Variants in TGDS observed in about 807,000 individuals in gnomAD.
TGDS encodes the protein UDP-D-glucose 4,6-dehydratase.
TGDS carries 47 observed loss-of-function variants against 52.3 expected under a neutral mutation model. That is an observed-to-expected ratio of 0.90 (90% confidence interval 0.71 to 1.15). The LOEUF (loss-of-function observed/expected upper bound fraction) is 1.15, where lower values mean the gene tolerates loss of function less well. Ranked by LOEUF, TGDS falls within the 50% of genes most tolerant of loss-of-function variation. The pLI, the probability that TGDS is intolerant of heterozygous loss-of-function variation, is 0.00. For missense variants in TGDS, 375 were observed against 418.4 expected, an observed-to-expected ratio of 0.90 and a Z score of 0.90; for synonymous variants, 115 against 136.9, an observed-to-expected ratio of 0.84 and a Z score of 1.12.
intron 5 of TGDS, 36 bp from the exon 6 acceptor site, chr13:94,581,225 G>A: frequency 7.4e-7 from 1 of 1,347,380 alleles, no homozygotes; most frequent in Non-Finnish European, 1.0e-6. Flanking sequence ...AAAGTGTTAT[G>A]CATATTTTAA....
intron 5 of TGDS, 88 bp downstream of exon 5, chr13:94,583,006 T>G: frequency 2.9e-6 from 4 of 1,400,030 alleles, no homozygotes; most frequent in Non-Finnish European, 3.9e-6. Context: ...GTATATAATT[T>G]GAGGATGAAA....
intron 4 of TGDS, among the ~76,000 whole-genome samples, chr13:94,590,530 T>C (rs1889158897): frequency 6.6e-6 from 1 of 152,110 alleles, no homozygotes; most frequent in South Asian, 2.1e-4. Flanking sequence ...ATATAAATAA[T>C]GTCCATCTGC....
chr13:94,589,305 T>G (rs1049579512), intron 4 of TGDS, among the ~76,000 whole-genome samples: 7 of 142,374 alleles, frequency 4.9e-5, no homozygotes, highest in Non-Finnish European at 7.5e-5. Context: ...CATTTTAAAA[T>G]GGACAAAAGA....
chr13:94,592,194 C>G (rs751702738), intron 3 of TGDS, 47 bp downstream of exon 3: 2 of 1,395,834 alleles, frequency 1.4e-6, no homozygotes, highest in African/African-American at 2.9e-5. Context: ...ACTATAATCT[C>G]TGCATGACTA....
At chr13:94,590,695 A>G (rs534975074) in intron 4 of TGDS, among the ~76,000 whole-genome samples, 158 bp downstream of exon 4, 2 of 152,276 alleles carry the variant, frequency 1.3e-5, no homozygotes, top group Admixed American at 6.5e-5. Context: ...CAATGCTAAT[A>G]AAAGTATCTA....
At chr13:94,588,315 C>G (rs1264257614) in intron 4 of TGDS, among the ~76,000 whole-genome samples, 2 of 148,332 alleles carry the variant, frequency 1.3e-5, no homozygotes, top group Non-Finnish European at 3.0e-5. Flanking sequence ...CCTAGCTACT[C>G]AGGAGGCTGA....
In TGDS at chr13:94,587,351, C is replaced by CAATGTCA. The variant is rs890197507; in HGVS notation, c.313+3495_313+3501dup. Among the ~76,000 whole-genome samples, 3 of 152,174 alleles carry CAATGTCA rather than the reference C, an allele frequency of 2.0e-5. No homozygotes were observed. In the South Asian group the frequency reaches 6.2e-4, roughly 32 times the overall value. On this transcript the variant is annotated intron_variant, in intron 4 of 11. Coordinates refer to ENST00000261296, the MANE Select transcript of TGDS (RefSeq NM_014305.4). ...GTCAAAGATTGTTTTTTTGGAACAA[C>CAATGTCA]AATGTCAAATGTCAAATGTTGTTTT...
intron 11 of TGDS, 87 bp downstream of exon 11, chr13:94,576,227 C>A: frequency 3.6e-6 from 3 of 825,646 alleles, no homozygotes; most frequent in African/African-American, 1.8e-5. Flanking sequence ...CACAATATTC[C>A]ACTGGTTTGT....
intron 10 of TGDS, 95 bp downstream of exon 10, chr13:94,577,276 G>A: frequency 5.3e-6 from 5 of 936,428 alleles, no homozygotes; most frequent in Non-Finnish European, 7.7e-6. Flanking sequence ...ATTCAAAACA[G>A]ATAAACTAGT....
At chr13:94,577,335 CACA>C in intron 10 of TGDS, 33 bp downstream of exon 10, 1 of 1,500,764 alleles carries the variant, frequency 6.7e-7, no homozygotes. Flanking sequence ...CCTAAGATTT[CACA>C]ACCTTTCCCC....
intron 7 of TGDS, chr13:94,579,585 A>G (rs941748923): frequency 2.2e-5 from 4 of 185,982 alleles, no homozygotes; most frequent in Non-Finnish European, 4.4e-5. Context: ...CAGTAGAGGT[A>G]GAAGTATTCT....
At chr13:94,575,915 A>T (rs1888583067) in intron 11 of TGDS, among the ~76,000 whole-genome samples, 1 of 152,156 alleles carries the variant, frequency 6.6e-6, no homozygotes, top group Non-Finnish European at 1.5e-5. Context: ...GACTGCATCT[A>T]TATTTCACCA....
At chr13:94,576,115 T>C (rs756532767) in intron 11 of TGDS, among the ~76,000 whole-genome samples, 199 bp downstream of exon 11, 1 of 152,150 alleles carries the variant, frequency 6.6e-6, no homozygotes, top group Non-Finnish European at 1.5e-5. Context: ...TATGGGAAGA[T>C]TGATCAGAGG....
At chr13:94,578,447 A>G (rs1049962525) in intron 8 of TGDS, among the ~76,000 whole-genome samples, 9 of 152,242 alleles carry the variant, frequency 5.9e-5, no homozygotes, top group African/African-American at 2.2e-4. Context: ...TCTATGAATT[A>G]AATAAGTCCT....
At chr13:94,581,027 C>A in intron 6 of TGDS, 64 bp downstream of exon 6, 1 of 939,628 alleles carries the variant, frequency 1.1e-6, no homozygotes, top group South Asian at 2.4e-5. Flanking sequence ...AAAAAGCTGA[C>A]TTGGAGTTTT....
intron 6 of TGDS, among the ~76,000 whole-genome samples, chr13:94,580,285 T>G (rs1303483457): frequency 6.6e-6 from 1 of 152,210 alleles, no homozygotes; most frequent in Non-Finnish European, 1.5e-5. Context: ...TCAAGGACTC[T>G]TAAGTTGGCT....
intron 2 of TGDS, among the ~76,000 whole-genome samples, chr13:94,593,167 A>C (rs963240967): frequency 1.3e-5 from 2 of 152,140 alleles, no homozygotes; most frequent in African/African-American, 4.8e-5. Flanking sequence ...AAAAAAAAAA[A>C]TGTTCATGCC....
chr13:94,582,573 T>C (rs1888835585), intron 5 of TGDS, among the ~76,000 whole-genome samples: 1 of 152,196 alleles, frequency 6.6e-6, no homozygotes, highest in Non-Finnish European at 1.5e-5. Flanking sequence ...CTTGACGGGA[T>C]TGAAGGATAC....
At chr13:94,586,750 T>TC (rs1566960991) in intron 4 of TGDS, among the ~76,000 whole-genome samples, 292 of 23,716 alleles carry the variant, frequency 0.012, 9 homozygotes, top group African/African-American at 0.064. Context: ...GAAATCAAAT[T>TC]ATTTTTTTTT....
Sources: gnomAD v4.1 joint callset for allele counts (sites outside exome capture counted in the v4.1 genomes callset) on GRCh38, gnomAD v4.1.1 for gene constraint, MANE v1.5 for transcripts, NCBI Gene and HGNC (gene_info 2026-07-23, HGNC 2026-07-21) for gene names.